The following MFSD6 variants were observed in gnomAD, a reference collection of about 807,000 sequenced individuals.
MFSD6 encodes the protein major facilitator superfamily domain-containing protein 6.
Under a neutral mutation model 56.3 loss-of-function variants are expected in MFSD6, and 26 were observed. The ratio of observed to expected loss-of-function variants is 0.46; its 90% CI spans 0.34 to 0.64. MFSD6 has a LOEUF of 0.64. Among genes scored for constraint, MFSD6 ranks in the 30% least tolerant of loss-of-function variants. The probability of loss-of-function intolerance (pLI) is 0.01; values close to 1 mark genes in which losing one functional copy is unlikely to be tolerated. For missense variants in MFSD6, 750 were observed against 986.2 expected (o/e 0.76, Z 3.21); for synonymous variants, 331 against 366.9 (o/e 0.90, Z 1.12).
rs1687773470 is a variant in MFSD6, at chr2:190,469,198, A to G, written c.1533-560A>G. Among the ~76,000 whole-genome samples the G allele has an allele frequency of 6.6e-6, 1 of 152,220 alleles. No individual in the cohort carries two copies. The highest frequency in any genetic ancestry group is 1.5e-5 in the Non-Finnish European group (1 of 68,040). ...TTGAACTGATAGGAGAAACTATTTG[A>G]TTTCCAAATAGTTTATAGTAGTTAG... is the stretch of plus-strand genomic sequence containing the variant. On this transcript the variant is annotated intron_variant, in intron 3 of 7. Transcript: ENST00000392328. This position sits in a 1 kb window ranked among gnomAD's most constrained non-coding sequence, Gnocchi z 5.3.
intron 4 of MFSD6, among the ~76,000 whole-genome samples, chr2:190,473,477 G>A (rs1046645996): frequency 3.3e-5 from 5 of 152,128 alleles, no homozygotes; most frequent in African/African-American, 1.2e-4. Flanking sequence ...GACAAAGAAG[G>A]CCATTACATA....
In MFSD6 at chr2:190,465,508, TA is replaced by T. The variant is rs1030456349; in HGVS notation, c.1533-4249del. ...ACATCAGTAATCTTATGTATAATCT[TA>T]TGTAAAAAAATTCTAGGACCCTGAA... On this transcript the variant is annotated intron_variant, in intron 3 of 7. Transcript: ENST00000392328. The surrounding 1 kb of genome is among the most constrained non-coding windows in gnomAD (Gnocchi z 4.6). Among the ~76,000 whole-genome samples the T allele has an allele frequency of 9.2e-5, 14 of 152,184 alleles. No individual in the cohort carries two copies. Among genetic ancestry groups the T allele is most frequent in the African/African-American group, 3.4e-4 (14 of 41,528 alleles).
intron 4 of MFSD6, among the ~76,000 whole-genome samples, chr2:190,486,091 C>A (rs979714655): frequency 1.3e-5 from 2 of 152,168 alleles, no homozygotes; most frequent in Non-Finnish European, 2.9e-5. Flanking sequence ...ATAGTGTGAT[C>A]CTTTGGGTCT....
At chr2:190,477,991 C>A (rs1250870901) in intron 4 of MFSD6, among the ~76,000 whole-genome samples, 1 of 152,128 alleles carries the variant, frequency 6.6e-6, no homozygotes, top group African/African-American at 2.4e-5. Context: ...ACAGAATGGC[C>A]TCTTCAGGGA....
chr2:190,457,498 G>A lies in MFSD6; in HGVS notation c.1533-12260G>A, dbSNP rs1574146169. On this transcript the variant is annotated intron_variant, in intron 3 of 7. Coordinates refer to ENST00000392328, the MANE Select transcript of MFSD6 (RefSeq NM_017694.4). The surrounding 1 kb of genome is among the most constrained non-coding windows in gnomAD (Gnocchi z 5.1). ...GCCATTCAAACAGACCATCTAGCCAGTGATAGGGGATGTGTTTTATGATAG... is the reference window on the plus strand; with the variant it reads ...GCCATTCAAACAGACCATCTAGCCAATGATAGGGGATGTGTTTTATGATAG... Among the ~76,000 whole-genome samples, 2 of 152,332 alleles carry A rather than the reference G, an allele frequency of 1.3e-5. No individual in the cohort carries two copies. Among genetic ancestry groups the A allele is most frequent in the African/African-American group, 4.8e-5 (2 of 41,576 alleles).
intron 1 of MFSD6, among the ~76,000 whole-genome samples, chr2:190,409,580 T>C (rs1233222986): frequency 2.0e-5 from 3 of 152,176 alleles, no homozygotes; most frequent in Non-Finnish European, 4.4e-5. Context: ...CCCTAATCCT[T>C]CTAGAAGTCC....
intron 3 of MFSD6, among the ~76,000 whole-genome samples, chr2:190,446,907 A>C (rs1325856476): frequency 6.6e-6 from 1 of 152,206 alleles, no homozygotes; most frequent in African/African-American, 2.4e-5. Context: ...TGAGGGACTT[A>C]GGGATTCTGA....
intron 4 of MFSD6, among the ~76,000 whole-genome samples, chr2:190,482,406 T>C (rs998168550): frequency 2.0e-5 from 3 of 152,170 alleles, no homozygotes; most frequent in Non-Finnish European, 2.9e-5. Context: ...TTCCTTTTTT[T>C]TTTTTTTTAA....
At chr2:190,472,655 A>C (rs1688017670) in intron 4 of MFSD6, among the ~76,000 whole-genome samples, 1 of 152,246 alleles carries the variant, frequency 6.6e-6, no homozygotes, top group South Asian at 2.1e-4. Flanking sequence ...CAAGTTGGAA[A>C]ACACTCTGCA....
chr2:190,473,870 A>T (rs1397399567), intron 4 of MFSD6, among the ~76,000 whole-genome samples: 1 of 152,248 alleles, frequency 6.6e-6, no homozygotes, highest in East Asian at 1.9e-4. Flanking sequence ...ACTGTCTCTC[A>T]GACCACAGTG....
intron 3 of MFSD6, among the ~76,000 whole-genome samples, chr2:190,442,093 G>C (rs929785554): frequency 2.0e-5 from 3 of 152,122 alleles, no homozygotes; most frequent in Non-Finnish European, 4.4e-5. Flanking sequence ...TCCCCATTCT[G>C]ATTCCTTAAG....
intron 3 of MFSD6, among the ~76,000 whole-genome samples, chr2:190,466,146 A>G (rs193232168): frequency 6.6e-6 from 1 of 152,240 alleles, no homozygotes. Context: ...CACCAGTTAT[A>G]TTGGATTAGG....
chr2:190,452,656 C>T (rs1193651541), intron 3 of MFSD6, among the ~76,000 whole-genome samples: 2 of 152,210 alleles, frequency 1.3e-5, no homozygotes, highest in Non-Finnish European at 2.9e-5. Context: ...TAGTCTTCCT[C>T]ATTTCTGCTT....
rs962396007 is a variant in MFSD6, at chr2:190,500,087, C to T, written c.2245C>T (p.Pro749Ser). 2 of 1,614,180 alleles carry T rather than the reference C, an allele frequency of 1.2e-6. No individual in the cohort carries two copies. The highest frequency in any genetic ancestry group is 2.2e-5 in the South Asian group (2 of 91,084). ...QPVPCETHSD[P>S]SRNQPSPDAA... ...TGTCCCATGTGAGACTCACTCTGACCCATCTAGAAACCAGCCATCCCCTGA... is the reference window on the plus strand; with the variant it reads ...TGTCCCATGTGAGACTCACTCTGACTCATCTAGAAACCAGCCATCCCCTGA... Residue 749 changes from proline (P) to serine (S), a missense_variant, in exon 8 of 8, where the codon CCA (proline) becomes TCA (serine). By Grantham distance (74) the Pro-to-Ser change is moderately conservative. Around this residue, in one of 5 missense-constraint regions of MFSD6, gnomAD observed 172 missense variants for 203.9 expected, o/e 0.84. Coordinates refer to ENST00000392328, the MANE Select transcript of MFSD6 (RefSeq NM_017694.4). This position sits in a 1 kb window ranked among gnomAD's most constrained non-coding sequence, Gnocchi z 5.3.
At chr2:190,480,368 G>A (rs1301066091) in intron 4 of MFSD6, among the ~76,000 whole-genome samples, 1 of 140,036 alleles carries the variant, frequency 7.1e-6, no homozygotes, top group Non-Finnish European at 1.5e-5. Context: ...TCAGCCCCCT[G>A]TATCATGTAC....
rs919837442 is a variant in MFSD6 at position 190,494,344 on chromosome 2, G to C, written c.1892-3095G>C. Among the ~76,000 whole-genome samples the C allele has an allele frequency of 1.1e-4, 17 of 151,994 alleles. No homozygotes were observed. Among genetic ancestry groups the C allele is most frequent in the African/African-American group, 4.1e-4 (17 of 41,428 alleles). ...GAACAGACAACTAAGTAGTGAGACT[G>C]AATCAGTAATAAAAAAATTGCCAAC... On this transcript the variant is annotated intron_variant, in intron 6 of 7. Transcript: ENST00000392328. The surrounding 1 kb of genome is among the most constrained non-coding windows in gnomAD (Gnocchi z 5.7).
In MFSD6 at chr2:190,434,321, A is replaced by G. The variant is rs111611373; in HGVS notation, c.-53-1656A>G. Among the ~76,000 whole-genome samples the G allele has an allele frequency of 3.9e-4, 60 of 152,350 alleles. No individual in the cohort carries two copies. Among genetic ancestry groups the G allele is most frequent in the African/African-American group, 1.3e-3 (55 of 41,588 alleles). On this transcript the variant is annotated intron_variant, in intron 2 of 7. Coordinates refer to ENST00000392328, the MANE Select transcript of MFSD6 (RefSeq NM_017694.4). The surrounding 1 kb of genome is among the most constrained non-coding windows in gnomAD (Gnocchi z 4.3). ...CACAAGACCTTTTGACACTTTAATCATTCAATCTTTAATAGAAGAAAGGGA... is the reference window on the plus strand; with the variant it reads ...CACAAGACCTTTTGACACTTTAATCGTTCAATCTTTAATAGAAGAAAGGGA...
chr2:190,409,121 C>G (rs887119987), intron 1 of MFSD6, among the ~76,000 whole-genome samples: 1 of 152,134 alleles, frequency 6.6e-6, no homozygotes, highest in South Asian at 2.1e-4. Flanking sequence ...GCAGACATCC[C>G]CCACCTCGTG....
At chr2:190,442,371 A>G (rs544978146) in intron 3 of MFSD6, among the ~76,000 whole-genome samples, 26 of 152,162 alleles carry the variant, frequency 1.7e-4, no homozygotes, top group Non-Finnish European at 3.1e-4. Context: ...GACTGAGGCC[A>G]GATGGATGCT....
Sources: gnomAD v4.1 joint callset for allele counts (sites outside exome capture counted in the v4.1 genomes callset) on GRCh38, gnomAD v4.1.1 for gene constraint, gnomAD v4.1.1 regional missense constraint, Gnocchi (gnomAD v3.1) non-coding constraint, MANE v1.5 for transcripts, NCBI Gene and HGNC (gene_info 2026-07-23, HGNC 2026-07-21) for gene names.